The following ANO3 variants were observed in gnomAD, a reference collection of about 807,000 sequenced individuals.
ANO3 encodes anoctamin-3.
ANO3 carries 99 observed loss-of-function variants against 144.8 expected under a neutral mutation model. That is an observed-to-expected ratio of 0.68 (90% confidence interval 0.58 to 0.81). ANO3 has a LOEUF of 0.81. Among genes scored for constraint, ANO3 ranks in the 30% least tolerant of loss-of-function variants. The pLI is 0.00. For synonymous variants in ANO3, 414 were observed against 392.6 expected (o/e 1.05, Z -0.64); for missense variants, 905 against 1,202.2 (o/e 0.75, Z 3.66).
At chr11:26,450,087 G>T (rs1858869439) in intron 3 of ANO3, among the ~76,000 whole-genome samples, 1 of 152,046 alleles carries the variant, frequency 6.6e-6, no homozygotes, top group African/African-American at 2.4e-5. Flanking sequence ...CAATCTTACT[G>T]AAGTCCTCCC....
chr11:26,538,371 G>A (rs1156284936), intron 10 of ANO3, among the ~76,000 whole-genome samples: 1 of 152,128 alleles, frequency 6.6e-6, no homozygotes, highest in Admixed American at 6.5e-5. Context: ...AGTAAGAATA[G>A]AAATAATAAC....
In ANO3 at chr11:26,348,278, T is replaced by C. The variant is rs77101532; in HGVS notation, c.46+15957T>C. ...TAACTTATAACCACAACAGTACTGA[T>C]ACTTTTTGTCAAATAGAAAGTAATC... On this transcript the variant is annotated intron_variant, in intron 1 of 26. Coordinates refer to ENST00000256737, the MANE Select transcript of ANO3 (RefSeq NM_031418.4). Among the ~76,000 whole-genome samples the C allele has an allele frequency of 5.2e-3, 791 of 152,314 alleles. 6 individuals are homozygous for C. Among genetic ancestry groups the C allele is most frequent in the African/African-American group, 0.018 (761 of 41,570 alleles).
At chr11:26,397,889 A>G (rs1857056878) in intron 1 of ANO3, among the ~76,000 whole-genome samples, 2 of 151,546 alleles carry the variant, frequency 1.3e-5, no homozygotes, top group Admixed American at 6.6e-5. Flanking sequence ...TTTTTGTCCA[A>G]TCTCTTGTGG....
rs1261162093 is a variant in ANO3, at chr11:26,599,586, G to A, written c.1708G>A (p.Val570Met). 1.2e-5 allele frequency: 20 copies of A among 1,613,974 alleles called. No homozygotes were observed. The highest frequency in any genetic ancestry group is 1.7e-5 in the Non-Finnish European group (20 of 1,179,994). Residue 570 changes from valine to methionine, a missense_variant, in exon 17 of 27, where the codon GTG becomes ATG. Val to Met is a conservative substitution (Grantham distance 21). This residue lies in a region of ANO3 where 597 missense variants were observed against 865.1 expected (regional missense o/e 0.69). Transcript: ENST00000256737. ...LVITAVFGVVVYRLVVMEQFA... is the reference protein window; with the variant it reads ...LVITAVFGVVMYRLVVMEQFA... Reference sequence around the variant, plus strand: ...GATCACTGCAGTGTTTGGAGTTGTGGTGTACCGCCTGGTTGTCATGGAACA... The same window carrying A: ...GATCACTGCAGTGTTTGGAGTTGTGATGTACCGCCTGGTTGTCATGGAACA...
At position 26,525,670 on chromosome 11, in the gene ANO3, C is replaced by T; in HGVS notation, c.728C>T (p.Ser243Leu). 6.2e-7 allele frequency: 1 copy of T among 1,609,480 alleles called. No individual in the cohort carries two copies. The highest frequency in any genetic ancestry group is 8.5e-7 in the Non-Finnish European group (1 of 1,178,010). ...KCYYTDGRSK[S>L]MGRMQTYFRR... Reference sequence around the variant, plus strand: ...TATTACACTGACGGGAGGAGCAAATCAATGGGCAGGTTGGTGGGTGATGAA... The same window carrying T: ...TATTACACTGACGGGAGGAGCAAATTAATGGGCAGGTTGGTGGGTGATGAA... The change falls in exon 7 of 27, where the codon TCA becomes TTA. Residue 243 changes from serine to leucine, a missense_variant. Around this residue, in one of 4 missense-constraint regions of ANO3, gnomAD observed 71 missense variants for 57.9 expected, o/e 1.23. Transcript: ENST00000256737.
chr11:26,541,769 T>G (rs1159872434), intron 10 of ANO3, among the ~76,000 whole-genome samples, 178 bp from the exon 11 acceptor site: 2 of 152,206 alleles, frequency 1.3e-5, no homozygotes, highest in African/African-American at 4.8e-5. Flanking sequence ...ATCGGACTAT[T>G]TTTAATGAAA....
At chr11:26,452,668 C>A (rs992973423) in intron 3 of ANO3, among the ~76,000 whole-genome samples, 1 of 152,144 alleles carries the variant, frequency 6.6e-6, no homozygotes, top group African/African-American at 2.4e-5. Flanking sequence ...AGGATATTAT[C>A]CAGGAGAACT....
intron 24 of ANO3, among the ~76,000 whole-genome samples, chr11:26,651,392 C>A (rs72881767): frequency 6.6e-6 from 1 of 152,050 alleles, no homozygotes; most frequent in Non-Finnish European, 1.5e-5. Flanking sequence ...TTAAAATAGT[C>A]AATACATGAG....
chr11:26,514,542 A>G (rs1861790070), intron 5 of ANO3, among the ~76,000 whole-genome samples: 1 of 152,044 alleles, frequency 6.6e-6, no homozygotes, highest in South Asian at 2.1e-4. Context: ...GTAGAGATGG[A>G]ATTTGTACTT....
intron 1 of ANO3, among the ~76,000 whole-genome samples, chr11:26,389,073 T>A (rs1856809762): frequency 6.6e-6 from 1 of 152,190 alleles, no homozygotes; most frequent in Non-Finnish European, 1.5e-5. Context: ...ACACAGAATT[T>A]CTTTCCAGGC....
At chr11:26,240,089 G>A (rs999960045) in intron 1 of ANO3, among the ~76,000 whole-genome samples, 12 of 152,182 alleles carry the variant, frequency 7.9e-5, no homozygotes, top group Middle Eastern at 3.4e-3. Context: ...TAACTCCTCC[G>A]TGTCACATAA....
chr11:26,508,521 T>A (rs1861524138), intron 5 of ANO3: 1 of 390,616 alleles, frequency 2.6e-6, no homozygotes, highest in South Asian at 1.3e-4. Flanking sequence ...GGAATGATTA[T>A]AGTTATGTCA....
rs184286896 is a variant in ANO3 at position 26,553,348 on chromosome 11, G to A, written c.1386+3G>A. The A allele has an allele frequency of 1.9e-6, 3 of 1,604,658 alleles. No homozygotes were observed. The highest frequency in any genetic ancestry group is 1.7e-5 in the Admixed American group (1 of 59,836). ...ACGACAGCTGTATCTATGCCAAGGTGAGTGTGGACCCTCACATTCTCCTCC... is the reference window on the plus strand; with the variant it reads ...ACGACAGCTGTATCTATGCCAAGGTAAGTGTGGACCCTCACATTCTCCTCC... On this transcript the variant is annotated splice_donor_region_variant and intron_variant, in intron 13 of 26. Coordinates refer to ENST00000256737, the MANE Select transcript of ANO3 (RefSeq NM_031418.4).
At chr11:26,209,942 G>C (rs1310922407) in intron 1 of ANO3, among the ~76,000 whole-genome samples, 1 of 135,550 alleles carries the variant, frequency 7.4e-6, no homozygotes, top group Non-Finnish European at 1.7e-5. Context: ...TAGGTTGCCT[G>C]TTCACTCATG....
At chr11:26,367,371 A>G (rs989070024) in intron 1 of ANO3, among the ~76,000 whole-genome samples, 6 of 152,242 alleles carry the variant, frequency 3.9e-5, no homozygotes, top group Middle Eastern at 3.4e-3. Context: ...ATATGTGACT[A>G]TTGCTCCAGG....
chr11:26,468,930 C>G (rs16915690), intron 4 of ANO3, among the ~76,000 whole-genome samples: 1,832 of 151,872 alleles, frequency 0.012, 35 homozygotes, highest in African/African-American at 0.042. Context: ...AAGTGGTATC[C>G]TAAATATTTA....
intron 6 of ANO3, among the ~76,000 whole-genome samples, chr11:26,521,130 A>T (rs757479723): frequency 2.0e-5 from 3 of 152,198 alleles, no homozygotes; most frequent in Non-Finnish European, 4.4e-5. Context: ...AATGCTATTC[A>T]AGCATAAACT....
chr11:26,579,996 C>T (rs914313683), intron 14 of ANO3, among the ~76,000 whole-genome samples: 8 of 151,650 alleles, frequency 5.3e-5, no homozygotes, highest in African/African-American at 1.9e-4. Context: ...AAGAGATATA[C>T]AATTTTGGAA....
intron 4 of ANO3, among the ~76,000 whole-genome samples, chr11:26,501,510 T>C (rs117767444): frequency 0.011 from 1,622 of 151,250 alleles, 10 homozygotes; most frequent in Non-Finnish European, 0.016. Context: ...GTCATCCTTG[T>C]TACATCCTTG....
Sources: gnomAD v4.1 joint callset for allele counts (sites outside exome capture counted in the v4.1 genomes callset) on GRCh38, gnomAD v4.1.1 for gene constraint, gnomAD v4.1.1 regional missense constraint, MANE v1.5 for transcripts, NCBI Gene and HGNC (gene_info 2026-07-23, HGNC 2026-07-21) for gene names.